WWC2: variants seen among roughly 807,000 people sequenced by gnomAD.
The protein encoded by WWC2 is protein WWC2.
In WWC2, 101 loss-of-function variants were observed where a neutral mutation model predicts 138.5. That is an observed-to-expected ratio of 0.73 (90% CI 0.62 to 0.86). The LOEUF is 0.86. WWC2 is among the 40% of genes least tolerant of loss of function. WWC2 has a pLI of 0.00. For missense variants in WWC2, 1,420 were observed against 1,419.4 expected (o/e 1.00, Z -0.01); for synonymous variants, 558 against 538.4 (o/e 1.04, Z -0.50).
chr4:183,210,807 AC>A (rs1281607675), intron 4 of WWC2, among the ~76,000 whole-genome samples: 1 of 152,238 alleles, frequency 6.6e-6, no homozygotes, highest in African/African-American at 2.4e-5. Flanking sequence ...TACATTCAGT[AC>A]CTAGAATTAT....
intron 2 of WWC2, among the ~76,000 whole-genome samples, chr4:183,196,620 A>C (rs1319772428): frequency 1.3e-5 from 2 of 152,172 alleles, no homozygotes; most frequent in East Asian, 1.9e-4. Context: ...GTCTGCTTGC[A>C]CCGGCCTCTC....
At chr4:183,268,509 G>A (rs1223938403) in intron 14 of WWC2, among the ~76,000 whole-genome samples, 1 of 152,174 alleles carries the variant, frequency 6.6e-6, no homozygotes, top group Non-Finnish European at 1.5e-5. Context: ...GTAGGATAAT[G>A]TATTCCATTC....
At chr4:183,183,561 C>T (rs1438775585) in intron 1 of WWC2, among the ~76,000 whole-genome samples, 5 of 152,166 alleles carry the variant, frequency 3.3e-5, no homozygotes, top group African/African-American at 1.2e-4. Flanking sequence ...GAGGGCGGAT[C>T]ACTTGAGCTC....
chr4:183,140,883 C>T (rs1733281234), intron 1 of WWC2, among the ~76,000 whole-genome samples: 2 of 147,590 alleles, frequency 1.4e-5, no homozygotes, highest in South Asian at 4.2e-4. Flanking sequence ...TGATTTCCAC[C>T]AATCTGCTTA....
At chr4:183,163,529 C>T (rs1446578383) in intron 1 of WWC2, among the ~76,000 whole-genome samples, 1 of 152,266 alleles carries the variant, frequency 6.6e-6, no homozygotes, top group East Asian at 1.9e-4. Context: ...GGTTTGGGGG[C>T]ATGACAAAAT....
intron 1 of WWC2, among the ~76,000 whole-genome samples, chr4:183,161,448 C>T (rs1221926345): frequency 6.6e-6 from 1 of 152,044 alleles, no homozygotes; most frequent in Non-Finnish European, 1.5e-5. Flanking sequence ...AGCATCATAG[C>T]GGGAAGTAAC....
In WWC2 at chr4:183,208,115, T is replaced by G; in HGVS notation, c.404T>G (p.Leu135Ter). ...LALALDEYVR[L>*]NDAYKEKSSS... ...CTGGCCCTGGATGAATACGTGCGAT[T>G]AAATGATGCCTATAAGGAAAAGTCA... is the stretch of plus-strand genomic sequence containing the variant. The change falls in exon 3 of 23, where the codon TTA becomes TGA. Residue 135 changes from leucine to a stop codon, truncating the protein, a stop_gained. Coordinates refer to ENST00000403733, the MANE Select transcript of WWC2 (RefSeq NM_024949.6). LOFTEE classifies it high-confidence loss of function. 1 of 1,613,776 alleles carries G rather than the reference T, an allele frequency of 6.2e-7. No individual in the cohort carries two copies. The highest frequency in any genetic ancestry group is 8.5e-7 in the Non-Finnish European group (1 of 1,179,728).
chr4:183,172,328 T>C (rs1199399287), intron 1 of WWC2, among the ~76,000 whole-genome samples: 1 of 152,166 alleles, frequency 6.6e-6, no homozygotes, highest in Non-Finnish European at 1.5e-5. Flanking sequence ...CCAGTTTTCT[T>C]GGTTTATTCT....
intron 1 of WWC2, among the ~76,000 whole-genome samples, chr4:183,111,113 G>C (rs13118536): frequency 6.6e-6 from 1 of 152,004 alleles, no homozygotes; most frequent in South Asian, 2.1e-4. Context: ...CGTGGCAGGC[G>C]CTGGTAGTCC....
chr4:183,204,775 TTC>T (rs776362476), intron 2 of WWC2, among the ~76,000 whole-genome samples: 1 of 152,212 alleles, frequency 6.6e-6, no homozygotes. Context: ...TAACAAGTAC[TTC>T]TCAGTACTGC....
At chr4:183,256,015 G>C (rs56299810) in intron 9 of WWC2, among the ~76,000 whole-genome samples, 43,227 of 151,928 alleles carry the variant, frequency 0.28, 7,246 homozygotes, top group South Asian at 0.48. Context: ...GTGTCATCTG[G>C]GGAGTAAGTG....
chr4:183,283,361 G>A (rs1196344073), intron 18 of WWC2, among the ~76,000 whole-genome samples: 1 of 152,320 alleles, frequency 6.6e-6, no homozygotes, highest in East Asian at 1.9e-4. Context: ...TGCCAACCAA[G>A]TTATTAAACA....
At chr4:183,251,613 A>G (rs755485440) in intron 8 of WWC2, among the ~76,000 whole-genome samples, 6 of 144,512 alleles carry the variant, frequency 4.2e-5, no homozygotes, top group Non-Finnish European at 5.9e-5. Flanking sequence ...TGATGACACA[A>G]ATAATAAACG....
At chr4:183,290,379 G>T (rs77269329) in intron 21 of WWC2, among the ~76,000 whole-genome samples, 1 of 152,016 alleles carries the variant, frequency 6.6e-6, no homozygotes, top group Non-Finnish European at 1.5e-5. Context: ...TTAGCTGGAC[G>T]TGGTGGTGTG....
At chr4:183,268,108 T>A (rs1737566485) in intron 14 of WWC2, among the ~76,000 whole-genome samples, 1 of 152,188 alleles carries the variant, frequency 6.6e-6, no homozygotes. Context: ...TACAAAATAA[T>A]ATGACATTCC....
chr4:183,239,192 G>A (rs1454161170), intron 4 of WWC2, among the ~76,000 whole-genome samples: 1 of 152,082 alleles, frequency 6.6e-6, no homozygotes, highest in East Asian at 1.9e-4. Context: ...GCGGGCGCCT[G>A]TAATCCCAGC....
chr4:183,191,540 G>C (rs1203771034), intron 1 of WWC2, among the ~76,000 whole-genome samples: 1 of 152,056 alleles, frequency 6.6e-6, no homozygotes, highest in Non-Finnish European at 1.5e-5. Flanking sequence ...GTGAGTAAGT[G>C]GCAGAATAAA....
chr4:183,219,988 C>A (rs918873535), intron 4 of WWC2, among the ~76,000 whole-genome samples: 3 of 152,154 alleles, frequency 2.0e-5, no homozygotes, highest in Admixed American at 1.3e-4. Context: ...GACAGAATTT[C>A]TCTGGCTGGT....
chr4:183,254,020 T>C, intron 9 of WWC2, 21 bp downstream of exon 9: 1 of 1,608,198 alleles, frequency 6.2e-7, no homozygotes, highest in Non-Finnish European at 8.5e-7. Flanking sequence ...CTTCTGGAAA[T>C]AGGGCAGCTT....
Sources: gnomAD v4.1 joint callset for allele counts (sites outside exome capture counted in the v4.1 genomes callset) on GRCh38, gnomAD v4.1.1 for gene constraint, MANE v1.5 for transcripts, NCBI Gene and HGNC (gene_info 2026-07-23, HGNC 2026-07-21) for gene names.